The following CAPN13 variants were observed in gnomAD, a reference collection of about 807,000 sequenced individuals.
The protein encoded by CAPN13 is calpain 13, also known as calpain-13.
A neutral mutation model predicts 98.4 loss-of-function variants in CAPN13; 90 were observed. That is an observed-to-expected ratio of 0.92 (90% CI 0.77 to 1.09). The LOEUF (loss-of-function observed/expected upper bound fraction) is 1.09, where lower values mean the gene tolerates loss of function less well. CAPN13 is among the 50% of genes least tolerant of loss of function. The pLI is 0.00. For synonymous variants in CAPN13, 330 were observed against 305.5 expected, an observed-to-expected ratio of 1.08 and a Z score of -0.84; for missense variants, 887 against 841.3, an observed-to-expected ratio of 1.05 and a Z score of -0.67.
intron 2 of CAPN13, among the ~76,000 whole-genome samples, chr2:30,780,787 G>A (rs1673948479): frequency 6.6e-6 from 1 of 152,208 alleles, no homozygotes; most frequent in Non-Finnish European, 1.5e-5. Context: ...GAAAAAGAGA[G>A]ATGGTAGGAA....
chr2:30,804,962 C>G (rs1452921076), intron 1 of CAPN13, among the ~76,000 whole-genome samples: 1 of 152,204 alleles, frequency 6.6e-6, no homozygotes, highest in Non-Finnish European at 1.5e-5. Context: ...TTAAACCTTT[C>G]TTAGGTGCCA....
intron 5 of CAPN13, among the ~76,000 whole-genome samples, chr2:30,766,185 T>C (rs563075241): frequency 1.9e-4 from 29 of 152,334 alleles, no homozygotes; most frequent in Non-Finnish European, 3.4e-4. Flanking sequence ...CTTTCCTGGC[T>C]TCAAACAGGG....
intron 22 of CAPN13, among the ~76,000 whole-genome samples, chr2:30,724,000 T>C (rs899150774): frequency 2.6e-5 from 4 of 152,238 alleles, no homozygotes; most frequent in African/African-American, 9.6e-5. Flanking sequence ...TACCTCCATA[T>C]TTCTAGGTAA....
chr2:30,756,888 G>A (rs192205748), intron 8 of CAPN13, among the ~76,000 whole-genome samples: 4 of 152,210 alleles, frequency 2.6e-5, no homozygotes, highest in South Asian at 4.1e-4. Flanking sequence ...TTCCATCTCC[G>A]CTTACCTCGC....
At chr2:30,802,265 C>T (rs537819210) in intron 1 of CAPN13, among the ~76,000 whole-genome samples, 10 of 152,132 alleles carry the variant, frequency 6.6e-5, no homozygotes, top group Non-Finnish European at 1.2e-4. Flanking sequence ...CGGAGACACA[C>T]GATGAAGGTC....
intron 2 of CAPN13, among the ~76,000 whole-genome samples, chr2:30,782,159 G>T (rs1044440046): frequency 1.3e-5 from 2 of 152,190 alleles, no homozygotes; most frequent in African/African-American, 2.4e-5. Context: ...ATCGTCTCCA[G>T]AGGTAGACGG....
chr2:30,766,337 C>T (rs2148028192), intron 5 of CAPN13, among the ~76,000 whole-genome samples: 1 of 152,352 alleles, frequency 6.6e-6, no homozygotes, highest in East Asian at 1.9e-4. Context: ...CCAAGACAAC[C>T]AAAGGCACTC....
At chr2:30,749,816 G>A (rs924166911) in intron 11 of CAPN13, among the ~76,000 whole-genome samples, 4 of 152,186 alleles carry the variant, frequency 2.6e-5, no homozygotes, top group African/African-American at 9.7e-5. Flanking sequence ...TGTATGGTTT[G>A]AGAACCTTCA....
chr2:30,738,877 T>TG (rs58150168), intron 15 of CAPN13, among the ~76,000 whole-genome samples: 2,373 of 77,072 alleles, frequency 0.031, 62 homozygotes, highest in African/African-American at 0.11. Flanking sequence ...TGTGTGTGTG[T>TG]TGTGTGTATG....
At chr2:30,780,773 A>G (rs573743659) in intron 2 of CAPN13, among the ~76,000 whole-genome samples, 2 of 152,286 alleles carry the variant, frequency 1.3e-5, no homozygotes, top group Admixed American at 6.5e-5. Context: ...TGTGACCAAT[A>G]ATCGAAAAAG....
chr2:30,754,383 A>G lies in CAPN13; in HGVS notation c.867-19T>C, dbSNP rs1320014326. On this transcript the variant is annotated intron_variant, in intron 8 of 22. Coordinates refer to ENST00000295055, the MANE Select transcript of CAPN13 (RefSeq NM_144575.3). ...CTGAGACCTGAGCATGGACACACAA[A>G]CCACAGGGTGAGATTTTCCAGTGCA... 2 of 1,586,108 alleles carry G rather than the reference A, an allele frequency of 1.3e-6. No individual in the cohort carries two copies. Among genetic ancestry groups the G allele is most frequent in the Admixed American group, 3.7e-5 (2 of 54,612 alleles).
intron 2 of CAPN13, among the ~76,000 whole-genome samples, chr2:30,784,897 T>A (rs951772737): frequency 6.6e-6 from 1 of 152,198 alleles, no homozygotes; most frequent in Non-Finnish European, 1.5e-5. Context: ...CAACACTCTG[T>A]GGGTGTGGCC....
At chr2:30,768,702 C>T (rs1245171471) in intron 5 of CAPN13, among the ~76,000 whole-genome samples, 1 of 151,806 alleles carries the variant, frequency 6.6e-6, no homozygotes, top group East Asian at 1.9e-4. Context: ...TCCTTCCTTC[C>T]TTCCTTTTAT....
Position 30,787,247 on chromosome 2 carries a change from G to T in CAPN13, c.79C>A (p.His27Asn). 1 of 1,613,022 alleles carries T rather than the reference G, an allele frequency of 6.2e-7. No individual in the cohort carries two copies. Residue 27 changes from histidine to asparagine, a missense_variant, in exon 2 of 23, where the codon CAC becomes AAC. By Grantham distance (68) the His-to-Asn change is moderately conservative. Coordinates refer to ENST00000295055, the MANE Select transcript of CAPN13 (RefSeq NM_144575.3). ...KDQDFTTLRD[H>N]CLSMGRTFKD... Reference sequence around the variant, plus strand: ...AACGTCCGGCCCATGCTCAGGCAGTGATCCCGCAAGGTGGTAAAGTCCTGG... The same window carrying T: ...AACGTCCGGCCCATGCTCAGGCAGTTATCCCGCAAGGTGGTAAAGTCCTGG...
intron 7 of CAPN13, 69 bp from the exon 8 acceptor site, chr2:30,758,206 A>T: frequency 8.3e-7 from 1 of 1,205,914 alleles, no homozygotes; most frequent in Non-Finnish European, 1.2e-6. Flanking sequence ...GGATGAATGC[A>T]GCTGCTTTTT....
intron 9 of CAPN13, among the ~76,000 whole-genome samples, chr2:30,753,766 C>A (rs954729166): frequency 2.0e-5 from 3 of 152,160 alleles, no homozygotes; most frequent in African/African-American, 7.2e-5. Context: ...GTAAACCAGA[C>A]AACCCTCTGA....
At chr2:30,733,192 C>G (rs1261595176) in intron 19 of CAPN13, among the ~76,000 whole-genome samples, 1 of 152,170 alleles carries the variant, frequency 6.6e-6, no homozygotes, top group African/African-American at 2.4e-5. Context: ...CTTAAGAGAG[C>G]AAGCAGAACC....
chr2:30,780,238 T>C (rs1420272349), intron 2 of CAPN13, among the ~76,000 whole-genome samples: 1 of 152,222 alleles, frequency 6.6e-6, no homozygotes, highest in African/African-American at 2.4e-5. Flanking sequence ...TCCAGTGTCA[T>C]TGACAGTTTC....
intron 1 of CAPN13, among the ~76,000 whole-genome samples, chr2:30,794,011 A>G (rs1247459616): frequency 4.0e-5 from 6 of 151,820 alleles, no homozygotes; most frequent in Admixed American, 2.6e-4. Context: ...GGGTAGGTAA[A>G]TGTGTTTTTG....
Sources: allele counts gnomAD v4.1 joint callset (sites outside exome capture counted in the v4.1 genomes callset), GRCh38; gene constraint gnomAD v4.1.1; transcripts MANE v1.5; gene names NCBI Gene and HGNC (gene_info 2026-07-23, HGNC 2026-07-21).